The following BEST4 variants were observed in gnomAD, a reference collection of about 807,000 sequenced individuals.
The protein encoded by BEST4 is bestrophin-4.
A neutral mutation model predicts 47.1 loss-of-function variants in BEST4; 36 were observed. That is an observed-to-expected ratio of 0.76 (90% CI 0.59 to 1.01). The LOEUF is 1.01. Among genes scored for constraint, BEST4 ranks in the 50% least tolerant of loss-of-function variants. The pLI, the probability that BEST4 is intolerant of heterozygous loss-of-function variation, is 0.00. For missense variants in BEST4, 550 were observed against 648.6 expected (o/e 0.85, Z 1.65); for synonymous variants, 250 against 277.8 (o/e 0.90, Z 1.00).
Position 44,784,243 on chromosome 1 carries a change from C to A in BEST4, c.1389G>T (p.Ser463=). ...PEAAARIEEE[S]AESGDEALEP ...CCAGGGCCTCGTCCCCGGACTCCGC[C>A]GATTCCTCCTCGATGCGGGCTGCGG... The change falls in exon 9 of 9, where the codon TCG becomes TCT. Residue 463 remains serine (S), a synonymous_variant. Transcript: ENST00000372207. The surrounding 1 kb of genome is among the most constrained non-coding windows in gnomAD (Gnocchi z 6.2). 6.9e-7 allele frequency: 1 copy of A among 1,454,756 alleles called. No homozygotes were observed. Among genetic ancestry groups the A allele is most frequent in the Non-Finnish European group, 9.0e-7 (1 of 1,112,796 alleles). The allele number at this position is 1,454,756 out of a possible 1,614,324, so 90.1% of individuals were successfully genotyped here. A position where few individuals can be genotyped will look rare whatever the true frequency, so the allele number is the denominator to read the frequency against.
chr1:44,789,748 A>G (rs534410476), upstream of BEST4, among the ~76,000 whole-genome samples: 1 of 152,312 alleles, frequency 6.6e-6, no homozygotes, highest in African/African-American at 2.4e-5. Context: ...TAGAACCTCA[A>G]AGTGGAAGAG....
In BEST4 at chr1:44,784,243, C is replaced by G; in HGVS notation, c.1389G>C (p.Ser463=). Reference sequence around the variant, plus strand: ...CCAGGGCCTCGTCCCCGGACTCCGCCGATTCCTCCTCGATGCGGGCTGCGG... The same window carrying G: ...CCAGGGCCTCGTCCCCGGACTCCGCGGATTCCTCCTCGATGCGGGCTGCGG... ...PEAAARIEEE[S]AESGDEALEP is the part of the protein sequence containing the mutation. The change falls in exon 9 of 9, where the codon TCG becomes TCC. Residue 463 remains serine, a synonymous_variant. Coordinates refer to ENST00000372207, the MANE Select transcript of BEST4 (RefSeq NM_153274.3). The surrounding 1 kb of genome is among the most constrained non-coding windows in gnomAD (Gnocchi z 6.2). The G allele has an allele frequency of 2.1e-6, 3 of 1,454,756 alleles. No individual in the cohort carries two copies. Among genetic ancestry groups the G allele is most frequent in the Non-Finnish European group, 2.7e-6 (3 of 1,112,796 alleles). 90.1% of individuals were successfully genotyped at this position (1,454,756 alleles called of 1,614,324 possible).
chr1:44,787,487 C>T, intron 1 of BEST4, 21 bp from the exon 2 acceptor site: 1 of 1,614,130 alleles, frequency 6.2e-7, no homozygotes, highest in South Asian at 1.1e-5. Flanking sequence ...CAGGTGTAGG[C>T]TTGGGTTAGA....
chr1:44,784,740 G>T lies in BEST4; in HGVS notation c.1037C>A (p.Pro346His). Residue 346 changes from proline to histidine, a missense_variant, in exon 8 of 9, where the codon CCC (proline) becomes CAC (histidine). By Grantham distance (77) the Pro-to-His change is moderately conservative (BLOSUM62 -2). Coordinates refer to ENST00000372207, the MANE Select transcript of BEST4 (RefSeq NM_153274.3). This position sits in a 1 kb window ranked among gnomAD's most constrained non-coding sequence, Gnocchi z 6.2. ...ATCCCAGTACTGGTCCTTCTCAGCG[G>T]GGGGAAGGTTCTGGTACATTTCGTC... ...SVDEMYQNLP[P>H]AEKDQYWDED... 6.2e-7 allele frequency: 1 copy of T among 1,603,104 alleles called. No homozygotes were observed. The highest frequency in any genetic ancestry group is 1.7e-5 in the Admixed American group (1 of 58,586).
upstream of BEST4, among the ~76,000 whole-genome samples, chr1:44,789,264 G>GA (rs1651346292): frequency 8.9e-6 from 1 of 112,514 alleles, no homozygotes; most frequent in Non-Finnish European, 2.1e-5. Context: ...AAAAAGAAAA[G>GA]AAAGAAAGAA....
intron 4 of BEST4, 141 bp from the exon 5 acceptor site, chr1:44,785,817 C>T: frequency 1.2e-6 from 1 of 841,338 alleles, no homozygotes; most frequent in Non-Finnish European, 1.8e-6. Flanking sequence ...GCTTGAATCC[C>T]AGCTCTGCTA....
At chr1:44,790,273 C>G (rs969346049), upstream of BEST4, among the ~76,000 whole-genome samples, 10 of 152,216 alleles carry the variant, frequency 6.6e-5, no homozygotes, top group African/African-American at 2.2e-4. Context: ...CCAGACCAAA[C>G]AGTGCTGGAT....
Position 44,784,740 on chromosome 1 carries a change from G to C in BEST4, c.1037C>G (p.Pro346Arg). 1.2e-6 allele frequency: 2 copies of C among 1,603,104 alleles called. No individual in the cohort carries two copies. Among genetic ancestry groups the C allele is most frequent in the South Asian group, 1.1e-5 (1 of 89,758 alleles). Reference sequence around the variant, plus strand: ...ATCCCAGTACTGGTCCTTCTCAGCGGGGGGAAGGTTCTGGTACATTTCGTC... The same window carrying C: ...ATCCCAGTACTGGTCCTTCTCAGCGCGGGGAAGGTTCTGGTACATTTCGTC... ...SVDEMYQNLP[P>R]AEKDQYWDED... is the part of the protein sequence containing the mutation. Residue 346 changes from proline to arginine, a missense_variant, in exon 8 of 9, where the codon CCC becomes CGC. Physicochemically the swap from Pro to Arg is moderately radical, Grantham distance 103 (BLOSUM62 -2). Around this residue, in one of 3 missense-constraint regions of BEST4, gnomAD observed 255 missense variants for 286.6 expected, o/e 0.89. Transcript: ENST00000372207. The surrounding 1 kb of genome is among the most constrained non-coding windows in gnomAD (Gnocchi z 6.2).
chr1:44,788,634 T>C (rs562923925), upstream of BEST4, among the ~76,000 whole-genome samples: 1 of 152,324 alleles, frequency 6.6e-6, no homozygotes, highest in South Asian at 2.1e-4. Context: ...CCGTCGGCCA[T>C]ACAGCTAGAA....
At position 44,784,524 on chromosome 1, in the gene BEST4, G is replaced by A. The variant is rs1651147765; in HGVS notation, c.1149-41C>T. The A allele has an allele frequency of 6.7e-6, 10 of 1,498,546 alleles. No individual in the cohort carries two copies. Among genetic ancestry groups the A allele is most frequent in the Non-Finnish European group, 8.9e-6 (10 of 1,125,264 alleles). The allele number at this position is 1,498,546 out of a possible 1,614,324, so 92.8% of individuals were successfully genotyped here. A position where few individuals can be genotyped will look rare whatever the true frequency, so the allele number is the denominator to read the frequency against. ...CGGGCTGAGCCGGGGCACAGGGCGGGAGCGGGGACGCGGGATCGGCTCTCG... is the reference window on the plus strand; with the variant it reads ...CGGGCTGAGCCGGGGCACAGGGCGGAAGCGGGGACGCGGGATCGGCTCTCG... On this transcript the variant is annotated intron_variant, in intron 8 of 8. Coordinates refer to ENST00000372207, the MANE Select transcript of BEST4 (RefSeq NM_153274.3). The surrounding 1 kb of genome is among the most constrained non-coding windows in gnomAD (Gnocchi z 6.2).
Position 44,784,807 on chromosome 1 carries a change from G to A in BEST4, c.994-24C>T, listed in dbSNP as rs566574541. ...ACCTGGGCCACCAGCAAGTTACAAG[G>A]ATCCTCCTCTCCTCTCCTTCCCACG... On this transcript the variant is annotated intron_variant, in intron 7 of 8. Coordinates refer to ENST00000372207, the MANE Select transcript of BEST4 (RefSeq NM_153274.3). This position sits in a 1 kb window ranked among gnomAD's most constrained non-coding sequence, Gnocchi z 6.2. 2.5e-6 allele frequency: 4 copies of A among 1,595,862 alleles called. No individual in the cohort carries two copies. Among genetic ancestry groups the A allele is most frequent in the African/African-American group, 1.3e-5 (1 of 74,734 alleles).
Position 44,784,289 on chromosome 1 carries a change from T to C in BEST4, c.1343A>G (p.Glu448Gly), listed in dbSNP as rs1469421750. Residue 448 changes from glutamate to glycine, a missense_variant, in exon 9 of 9, where the codon GAG becomes GGG. By Grantham distance (98) the Glu-to-Gly change is moderately conservative (BLOSUM62 -2). This residue lies in a region of BEST4 where 255 missense variants were observed against 286.6 expected (regional missense o/e 0.89). Transcript: ENST00000372207. The surrounding 1 kb of genome is among the most constrained non-coding windows in gnomAD (Gnocchi z 6.2). Reference protein sequence around the residue: ...RPPHLLRFRAEEGGDPEAAAR... With the variant: ...RPPHLLRFRAGEGGDPEAAAR... ...TGCGGCCTCGGGGTCGCCGCCCTCCTCCGCCCGGAAGCGCAGCAGATGCGG... is the reference window on the plus strand; with the variant it reads ...TGCGGCCTCGGGGTCGCCGCCCTCCCCCGCCCGGAAGCGCAGCAGATGCGG... 1 of 1,416,936 alleles carries C rather than the reference T, an allele frequency of 7.1e-7. No homozygotes were observed. Among genetic ancestry groups the C allele is most frequent in the South Asian group, 1.5e-5 (1 of 66,788 alleles). 87.8% of individuals were successfully genotyped at this position (1,416,936 alleles called of 1,614,324 possible).
rs1651148080 is a variant in BEST4, at chr1:44,784,534, G to A, written c.1149-51C>T. The A allele has an allele frequency of 5.3e-6, 8 of 1,503,672 alleles. No individual in the cohort carries two copies. Among genetic ancestry groups the A allele is most frequent in the South Asian group, 2.6e-5 (2 of 76,886 alleles). 93.1% of individuals were successfully genotyped at this position (1,503,672 alleles called of 1,614,324 possible). The stretch of plus-strand genomic sequence containing the variant: ...CGGGGCACAGGGCGGGAGCGGGGAC[G>A]CGGGATCGGCTCTCGGGGAAGGACC... On this transcript the variant is annotated intron_variant, in intron 8 of 8. Coordinates refer to ENST00000372207, the MANE Select transcript of BEST4 (RefSeq NM_153274.3). This position sits in a 1 kb window ranked among gnomAD's most constrained non-coding sequence, Gnocchi z 6.2.
upstream of BEST4, among the ~76,000 whole-genome samples, chr1:44,792,426 CAAAA>C (rs35538089): frequency 1.0e-5 from 1 of 98,162 alleles, no homozygotes; most frequent in Non-Finnish European, 2.1e-5. Flanking sequence ...GACTCCATCT[CAAAA>C]AAAAAAAAAA....
In BEST4 at chr1:44,785,095, C is replaced by T. The variant is rs902076509; in HGVS notation, c.912+13G>A. The T allele has an allele frequency of 1.9e-6, 3 of 1,611,810 alleles. No individual in the cohort carries two copies. The highest frequency in any genetic ancestry group is 2.5e-6 in the Non-Finnish European group (3 of 1,178,780). ...CCACAGAGCAGGCTGGCATGCCCAT[C>T]TGCAGTGCCCACCTTGAGCCAGCCA... On this transcript the variant is annotated intron_variant, in intron 6 of 8. Coordinates refer to ENST00000372207, the MANE Select transcript of BEST4 (RefSeq NM_153274.3).
chr1:44,784,083 G>T lies in BEST4; in HGVS notation c.*127C>A. ...TTCGCCATCTTCTCTTTCAAGTTCT[G>T]TCCCTAAATGCTCTGGCCTTCAAGG... On this transcript the variant is annotated 3_prime_UTR_variant, in exon 9 of 9. Transcript: ENST00000372207. This position sits in a 1 kb window ranked among gnomAD's most constrained non-coding sequence, Gnocchi z 6.2. The T allele has an allele frequency of 1.1e-6, 1 of 934,734 alleles. No homozygotes were observed. The highest frequency in any genetic ancestry group is 1.5e-6 in the Non-Finnish European group (1 of 688,270). The allele number at this position is 934,734 out of a possible 1,614,324, so 57.9% of individuals were successfully genotyped here. A position where few individuals can be genotyped will look rare whatever the true frequency, so the allele number is the denominator to read the frequency against.
At position 44,787,559 on chromosome 1, in the gene BEST4, G is replaced by A. The variant is rs750418740; in HGVS notation, c.147C>T (p.Thr49=). The A allele has an allele frequency of 1.9e-6, 3 of 1,614,170 alleles. No individual in the cohort carries two copies. The South Asian group carries it at 3.3e-5, about 18-fold the overall frequency. The change falls in exon 1 of 9, where the codon ACC becomes ACT. Residue 49 remains threonine (T), a synonymous_variant. Transcript: ENST00000372207. ...FGALYAVLSI[T]YRLLLTQEQR... ...CTCTAAGACCCTGCCCTTACCGGTA[G>A]GTGATGCTAAGCACAGCGTACAAGG...
At chr1:44,781,935 G>C (rs1332161360), downstream of BEST4, among the ~76,000 whole-genome samples, 1 of 152,200 alleles carries the variant, frequency 6.6e-6, no homozygotes, top group Admixed American at 6.5e-5. Flanking sequence ...GCCGAGGCAG[G>C]TGGATCACTT....
chr1:44,791,555 A>G (rs1651412564), upstream of BEST4, among the ~76,000 whole-genome samples: 1 of 151,718 alleles, frequency 6.6e-6, no homozygotes, highest in Admixed American at 6.6e-5. Flanking sequence ...TGGTCTGTGA[A>G]TTTCCCACAG....
Sources: gnomAD v4.1 joint callset for allele counts (sites outside exome capture counted in the v4.1 genomes callset) on GRCh38, gnomAD v4.1.1 for gene constraint, gnomAD v4.1.1 regional missense constraint, Gnocchi (gnomAD v3.1) non-coding constraint, MANE v1.5 for transcripts, NCBI Gene and HGNC (gene_info 2026-07-23, HGNC 2026-07-21) for gene names.